Variants in AMPH observed in about 807,000 individuals in gnomAD.
AMPH encodes amphiphysin (Stiff-Mann syndrome with breast cancer 128kD autoantigen).
A neutral mutation model predicts 99.1 loss-of-function variants in AMPH; 49 were observed. The ratio of observed to expected loss-of-function variants is 0.49; its 90% CI spans 0.39 to 0.63. The LOEUF is 0.63. Ranked by LOEUF, AMPH falls within the 20% of genes least tolerant of loss-of-function variation. AMPH has a pLI of 0.00. For missense variants in AMPH, 759 were observed against 863.4 expected, an observed-to-expected ratio of 0.88 and a Z score of 1.52; for synonymous variants, 314 against 317.3, an observed-to-expected ratio of 0.99 and a Z score of 0.11.
intron 16 of AMPH, among the ~76,000 whole-genome samples, chr7:38,421,565 G>C (rs1785582236): frequency 6.6e-6 from 1 of 152,196 alleles, no homozygotes; most frequent in Non-Finnish European, 1.5e-5. Flanking sequence ...TATCAAACCA[G>C]CCTTGAAGAC....
chr7:38,405,692 A>C (rs555837906), intron 17 of AMPH, among the ~76,000 whole-genome samples: 1 of 152,310 alleles, frequency 6.6e-6, no homozygotes, highest in African/African-American at 2.4e-5. Context: ...ATACATATAC[A>C]TCCAACACCA....
chr7:38,579,287 G>T (rs1792359619), intron 1 of AMPH, among the ~76,000 whole-genome samples: 1 of 152,168 alleles, frequency 6.6e-6, no homozygotes, highest in South Asian at 2.1e-4. Context: ...CCCAGTCCAG[G>T]GCTGTCTCCA....
chr7:38,420,366 A>G (rs541678106), intron 16 of AMPH, among the ~76,000 whole-genome samples: 1 of 152,280 alleles, frequency 6.6e-6, no homozygotes, highest in Admixed American at 6.5e-5. Context: ...ATTGTGCCCT[A>G]CCTTCACTGT....
intron 1 of AMPH, among the ~76,000 whole-genome samples, chr7:38,620,023 C>G (rs376569736): frequency 7.2e-5 from 11 of 151,946 alleles, no homozygotes; most frequent in African/African-American, 2.7e-4. Context: ...GTTGGGAGAT[C>G]CTCCCAAGGT....
chr7:38,483,944 A>G (rs907411622), intron 5 of AMPH, among the ~76,000 whole-genome samples: 3 of 152,084 alleles, frequency 2.0e-5, no homozygotes, highest in Admixed American at 2.0e-4. Flanking sequence ...AACAGAAATG[A>G]CAGAACTGAA....
At chr7:38,446,647 G>GTGGCTCAGAA (rs564065313) in intron 11 of AMPH, among the ~76,000 whole-genome samples, 89 of 152,300 alleles carry the variant, frequency 5.8e-4, no homozygotes, top group African/African-American at 2.1e-3. Context: ...AAATTAAAAA[G>GTGGCTCAGAA]TGGCTCAGAA....
intron 1 of AMPH, among the ~76,000 whole-genome samples, chr7:38,599,518 C>CTGTT (rs1793172066): frequency 1.3e-5 from 2 of 152,154 alleles, no homozygotes; most frequent in Admixed American, 1.3e-4. Flanking sequence ...TGCTAATCAA[C>CTGTT]TGTTTGTACT....
At chr7:38,485,224 T>C (rs1470941242) in intron 5 of AMPH, among the ~76,000 whole-genome samples, 1 of 151,970 alleles carries the variant, frequency 6.6e-6, no homozygotes, top group Non-Finnish European at 1.5e-5. Context: ...CTATTTATTG[T>C]CTACAAGAGA....
At chr7:38,429,410 A>C (rs1785914772) in intron 14 of AMPH, 1 of 1,292,632 alleles carries the variant, frequency 7.7e-7, no homozygotes. Context: ...AGTCTTCTCC[A>C]AACCCACCTG....
At chr7:38,472,051 A>C (rs1266055446) in intron 7 of AMPH, among the ~76,000 whole-genome samples, 1 of 152,166 alleles carries the variant, frequency 6.6e-6, no homozygotes, top group Admixed American at 6.5e-5. Context: ...CACTTTCAAC[A>C]AGGCAGAAGA....
chr7:38,437,407 C>G (rs1423052573), intron 11 of AMPH, among the ~76,000 whole-genome samples: 1 of 151,814 alleles, frequency 6.6e-6, no homozygotes, highest in Non-Finnish European at 1.5e-5. Flanking sequence ...TACATAAAAA[C>G]AGATTTTTGG....
At chr7:38,462,872 T>C (rs756705138) in intron 10 of AMPH, 103 bp downstream of exon 10, 3 of 1,299,152 alleles carry the variant, frequency 2.3e-6, no homozygotes, top group Non-Finnish European at 3.1e-6. Flanking sequence ...TCTCCCTAAC[T>C]GGAAACTTCT....
chr7:38,587,234 C>T (rs1792687525), intron 1 of AMPH, among the ~76,000 whole-genome samples: 1 of 152,194 alleles, frequency 6.6e-6, no homozygotes, highest in Admixed American at 6.5e-5. Flanking sequence ...GTTTACTGTA[C>T]TTCAAAGCAC....
chr7:38,585,693 G>A (rs1792619781), intron 1 of AMPH, among the ~76,000 whole-genome samples: 1 of 152,238 alleles, frequency 6.6e-6, no homozygotes, highest in Non-Finnish European at 1.5e-5. Context: ...GGTCCACCGT[G>A]CCAGTGGAAT....
chr7:38,494,257 C>T (rs150765268), intron 4 of AMPH, among the ~76,000 whole-genome samples, 176 bp downstream of exon 4: 286 of 152,324 alleles, frequency 1.9e-3, no homozygotes, highest in Non-Finnish European at 3.2e-3. Flanking sequence ...CCGCACCTGG[C>T]CCATCTTCAC....
Position 38,445,010 on chromosome 7 carries a change from T to TATATATATATATATATACACACACAC in AMPH, c.1018-8623_1018-8622insGTGTGTGTGTATATATATATATATAT, listed in dbSNP as rs1458295332. On this transcript the variant is annotated intron_variant, in intron 11 of 20. Transcript: ENST00000356264. ...ATATACATATATATATATATATATA[T>TATATATATATATATATACACACACAC]ACACACACACACACGGTATATACAT... is the stretch of plus-strand genomic sequence containing the variant. Among the ~76,000 whole-genome samples, 55 of 125,958 alleles carry TATATATATATATATATACACACACAC rather than the reference T, an allele frequency of 4.4e-4. 1 individual carries two copies. Among genetic ancestry groups the TATATATATATATATATACACACACAC allele is most frequent in the South Asian group, 3.6e-3 (13 of 3,610 alleles). The allele number at this position is 125,958 out of a possible 152,430, so 82.6% of individuals were successfully genotyped here. A position where few individuals can be genotyped will look rare whatever the true frequency, so the allele number is the denominator to read the frequency against.
chr7:38,569,332 T>C (rs1389434072), intron 1 of AMPH, among the ~76,000 whole-genome samples: 1 of 152,048 alleles, frequency 6.6e-6, no homozygotes, highest in Non-Finnish European at 1.5e-5. Flanking sequence ...AAAAGTATTT[T>C]TTAAATTACT....
chr7:38,618,007 T>C (rs1378843215), intron 1 of AMPH, among the ~76,000 whole-genome samples: 1 of 152,196 alleles, frequency 6.6e-6, no homozygotes, highest in Non-Finnish European at 1.5e-5. Flanking sequence ...GCTGGAGTTA[T>C]GCTTAATAAA....
In AMPH at chr7:38,475,389, T is replaced by C. The variant is rs199555769; in HGVS notation, c.532A>G (p.Lys178Glu). 3.5e-5 allele frequency: 56 copies of C among 1,613,044 alleles called. No homozygotes were observed. Among genetic ancestry groups the C allele is most frequent in the Admixed American group, 1.7e-4 (10 of 59,962 alleles). The change falls in exon 7 of 21, where the codon AAA becomes GAA. Residue 178 changes from lysine (K) to glutamate (E), a missense_variant. Physicochemically the swap from Lys to Glu is moderately conservative, Grantham distance 56. Coordinates refer to ENST00000356264, the MANE Select transcript of AMPH (RefSeq NM_001635.4). ...TCAACGTTAAACTCTTCAAACACTT[T>C]CTGTGCTTTCTGAAATTCTTCTTCT... Reference protein sequence around the residue: ...KAEEEFQKAQKVFEEFNVDLQ... With the variant: ...KAEEEFQKAQEVFEEFNVDLQ...
Sources: allele counts gnomAD v4.1 joint callset (sites outside exome capture counted in the v4.1 genomes callset), GRCh38; gene constraint gnomAD v4.1.1; transcripts MANE v1.5; gene names NCBI Gene and HGNC (gene_info 2026-07-23, HGNC 2026-07-21).